Variants in LRRFIP1 observed in about 807,000 individuals in gnomAD.
The protein encoded by LRRFIP1 is leucine-rich repeat flightless-interacting protein 1.
Under a neutral mutation model 104.4 loss-of-function variants are expected in LRRFIP1, and 62 were observed. The ratio of observed to expected loss-of-function variants is 0.59; its 90% CI spans 0.48 to 0.73. The LOEUF (loss-of-function observed/expected upper bound fraction) is 0.73, where lower values mean the gene tolerates loss of function less well. LRRFIP1 is among the 30% of genes least tolerant of loss of function. LRRFIP1 has a pLI of 0.00. For synonymous variants in LRRFIP1, 300 were observed against 299.0 expected (o/e 1.00, Z -0.03); for missense variants, 796 against 824.5 (o/e 0.97, Z 0.42).
At chr2:237,662,289 G>A (rs2088157681) in intron 1 of LRRFIP1, among the ~76,000 whole-genome samples, 1 of 152,126 alleles carries the variant, frequency 6.6e-6, no homozygotes, top group Admixed American at 6.5e-5. Context: ...CCCTAATCTA[G>A]TACGACCTCA....
chr2:237,763,173 T>C, intron 19 of LRRFIP1: 1 of 1,613,324 alleles, frequency 6.2e-7, no homozygotes, highest in Non-Finnish European at 8.5e-7. Flanking sequence ...CCCAAGGAGG[T>C]TCCAGCGCAC....
intron 19 of LRRFIP1, among the ~76,000 whole-genome samples, chr2:237,767,967 TTTG>T (rs2060346026): frequency 6.6e-6 from 1 of 152,206 alleles, no homozygotes; most frequent in South Asian, 2.1e-4. Context: ...GGAAAATCCT[TTTG>T]TTCTTTTTGT....
intron 8 of LRRFIP1, among the ~76,000 whole-genome samples, chr2:237,728,979 G>A (rs1225195334): frequency 6.6e-6 from 1 of 152,242 alleles, no homozygotes; most frequent in Middle Eastern, 3.2e-3. Flanking sequence ...CTGGAGTGCA[G>A]TGGTGCTATC....
At chr2:237,683,064 C>T (rs1239429617) in intron 1 of LRRFIP1, among the ~76,000 whole-genome samples, 1 of 152,230 alleles carries the variant, frequency 6.6e-6, no homozygotes, top group African/African-American at 2.4e-5. Context: ...GGCTAGCCAT[C>T]CTGCAATGCA....
chr2:237,753,818 T>TA (rs2058930533), intron 15 of LRRFIP1, among the ~76,000 whole-genome samples: 2 of 122,574 alleles, frequency 1.6e-5, no homozygotes, highest in African/African-American at 7.2e-5. Context: ...AAGGGAATGG[T>TA]AGGGTGTGTG....
intron 1 of LRRFIP1, among the ~76,000 whole-genome samples, chr2:237,631,156 G>GGAGT (rs1413194043): frequency 6.6e-6 from 1 of 152,212 alleles, no homozygotes; most frequent in African/African-American, 2.4e-5. Flanking sequence ...GAAGTGGGAG[G>GGAGT]GAGTGGGCTG....
intron 2 of LRRFIP1, 48 bp from the exon 3 acceptor site, chr2:237,714,211 T>C: frequency 7.2e-7 from 1 of 1,388,036 alleles, no homozygotes; most frequent in Non-Finnish European, 1.0e-6. Context: ...TGTTACTGCT[T>C]CTTTAATTGG....
At chr2:237,645,980 C>A (rs1182428097) in intron 1 of LRRFIP1, among the ~76,000 whole-genome samples, 1 of 151,896 alleles carries the variant, frequency 6.6e-6, no homozygotes, top group African/African-American at 2.4e-5. Context: ...TTTTTCTTTT[C>A]CTTAGCTCTG....
chr2:237,705,642 C>T (rs550289914), intron 1 of LRRFIP1, among the ~76,000 whole-genome samples: 20 of 150,508 alleles, frequency 1.3e-4, no homozygotes, highest in Middle Eastern at 3.4e-3. Flanking sequence ...CCAGCCTGGG[C>T]GACAGAGGGA....
At chr2:237,665,307 T>C (rs2149492989) in intron 1 of LRRFIP1, among the ~76,000 whole-genome samples, 1 of 152,216 alleles carries the variant, frequency 6.6e-6, no homozygotes, top group East Asian at 1.9e-4. Flanking sequence ...TTGTATTACT[T>C]ATTGAAATAA....
intron 7 of LRRFIP1, among the ~76,000 whole-genome samples, chr2:237,725,066 C>G (rs1319790960): frequency 6.6e-6 from 1 of 152,210 alleles, no homozygotes; most frequent in East Asian, 1.9e-4. Flanking sequence ...TCGGACTAGT[C>G]ACAAGTTACC....
intron 19 of LRRFIP1, chr2:237,764,325 T>A: frequency 6.7e-7 from 1 of 1,499,888 alleles, no homozygotes; most frequent in East Asian, 2.4e-5. Flanking sequence ...ATTGAGGTTA[T>A]CACCCAGATT....
rs80061130 is a variant in LRRFIP1, at chr2:237,663,644, A to G, written c.96+35904A>G. Among the ~76,000 whole-genome samples the G allele has an allele frequency of 1.0e-2, 1,517 of 152,324 alleles. 20 individuals are homozygous for G. The highest frequency in any genetic ancestry group is 0.031 in the African/African-American group (1,272 of 41,564). ...AGCCTAAACAGCTCAGCCTTAATGG[A>G]CGAGGCACATGGAATGACTTCCGGG... On this transcript the variant is annotated intron_variant, in intron 1 of 23. Coordinates refer to ENST00000308482, the MANE Select transcript of LRRFIP1 (RefSeq NM_001137550.2).
chr2:237,652,312 CAAT>C (rs2086069266), intron 1 of LRRFIP1, among the ~76,000 whole-genome samples: 1 of 152,180 alleles, frequency 6.6e-6, no homozygotes, highest in African/African-American at 2.4e-5. Context: ...GTCAGTGTGT[CAAT>C]GATGTGAACA....
At position 237,649,147 on chromosome 2, in the gene LRRFIP1, G is replaced by C. The variant is rs950459139; in HGVS notation, c.96+21407G>C. Among the ~76,000 whole-genome samples, 1 of 151,834 alleles carries C rather than the reference G, an allele frequency of 6.6e-6. No individual in the cohort carries two copies. Among genetic ancestry groups the C allele is most frequent in the African/African-American group, 2.4e-5 (1 of 41,404 alleles). Reference sequence around the variant, plus strand: ...TGGTTTGGAAGCTCGCATGGTCCCAGCCTCAGAGCCCCGTTCTCTGTGACC... The same window carrying C: ...TGGTTTGGAAGCTCGCATGGTCCCACCCTCAGAGCCCCGTTCTCTGTGACC... On this transcript the variant is annotated intron_variant, in intron 1 of 23. Transcript: ENST00000308482. The surrounding 1 kb of genome is among the most constrained non-coding windows in gnomAD (Gnocchi z 4.1).
At chr2:237,738,981 GTTA>G (rs879387841) in intron 10 of LRRFIP1, among the ~76,000 whole-genome samples, 4 of 152,214 alleles carry the variant, frequency 2.6e-5, no homozygotes, top group Non-Finnish European at 4.4e-5. Flanking sequence ...GGTGCTTTGT[GTTA>G]TTTTCTTCTT....
At chr2:237,721,026 T>G in intron 6 of LRRFIP1, 1 of 530,238 alleles carries the variant, frequency 1.9e-6, no homozygotes, top group Non-Finnish European at 3.5e-6. Flanking sequence ...CATAGGCACG[T>G]TGGTTGTTTC....
chr2:237,758,631 T>C (rs890430432), intron 17 of LRRFIP1, 98 bp from the exon 18 acceptor site: 2 of 766,840 alleles, frequency 2.6e-6, no homozygotes, highest in Non-Finnish European at 2.2e-6. Context: ...TCCACTAGTG[T>C]TTTAGATGGT....
chr2:237,756,577 C>G (rs2059290725), intron 16 of LRRFIP1, among the ~76,000 whole-genome samples: 1 of 152,264 alleles, frequency 6.6e-6, no homozygotes, highest in African/African-American at 2.4e-5. Context: ...AGGGCTTCAA[C>G]AGATGAATTT....
Sources: allele counts gnomAD v4.1 joint callset (sites outside exome capture counted in the v4.1 genomes callset), GRCh38; gene constraint gnomAD v4.1.1; non-coding constraint Gnocchi (gnomAD v3.1); transcripts MANE v1.5; gene names NCBI Gene and HGNC (gene_info 2026-07-23, HGNC 2026-07-21).